The following PRRC2B variants were observed in gnomAD, a reference collection of about 807,000 sequenced individuals.
PRRC2B encodes protein PRRC2B.
PRRC2B carries 68 observed loss-of-function variants against 242.3 expected under a neutral mutation model. The ratio of observed to expected loss-of-function variants is 0.28; its 90% CI spans 0.23 to 0.34. PRRC2B has a LOEUF of 0.34. Among genes scored for constraint, PRRC2B ranks in the 10% least tolerant of loss-of-function variants. PRRC2B has a pLI of 1.00. For missense variants in PRRC2B, 2,835 were observed against 2,954.8 expected (o/e 0.96, Z 0.94); for synonymous variants, 1,228 against 1,173.6 (o/e 1.05, Z -0.95).
rs761424223 is a variant in PRRC2B, at chr9:131,487,821, C to T, written c.5985-35C>T. The T allele has an allele frequency of 4.4e-6, 7 of 1,585,498 alleles. No individual in the cohort carries two copies. The East Asian group carries it at 1.6e-4, about 36-fold the overall frequency. On this transcript the variant is annotated intron_variant, in intron 27 of 31. Transcript: ENST00000683519. This position sits in a 1 kb window ranked among gnomAD's most constrained non-coding sequence, Gnocchi z 5.3. Reference sequence around the variant, plus strand: ...GGACCAGATCCGCAGCTGGACTCATCCACCTGATCCCGACCATCTGTCTGG... The same window carrying T: ...GGACCAGATCCGCAGCTGGACTCATTCACCTGATCCCGACCATCTGTCTGG...
rs376117623 is a variant in PRRC2B, at chr9:131,474,974, G to T, written c.2845G>T (p.Ala949Ser). 40 of 1,598,078 alleles carry T rather than the reference G, an allele frequency of 2.5e-5. No individual in the cohort carries two copies. The highest frequency in any genetic ancestry group is 3.2e-5 in the Non-Finnish European group (37 of 1,172,614). ...SGPIKKPVLK[A>S]LKVEDKEKEL... The stretch of plus-strand genomic sequence containing the variant: ...ACCCATCAAGAAACCAGTCCTGAAA[G>T]CCCTCAAGGTGGAAGACAAGGAGAA... Residue 949 changes from alanine to serine, a missense_variant, in exon 16 of 32, where the codon GCC becomes TCC. Ala to Ser is a moderately conservative substitution (Grantham distance 99). This residue lies in a region of PRRC2B where 1,536 missense variants were observed against 1,483.1 expected (regional missense o/e 1.04). Transcript: ENST00000683519.
At chr9:131,492,973 G>A (rs573408106) in intron 30 of PRRC2B, among the ~76,000 whole-genome samples, 4 of 152,306 alleles carry the variant, frequency 2.6e-5, no homozygotes, top group African/African-American at 9.6e-5. Flanking sequence ...TTACAAATGA[G>A]TGAAACAGAC....
intron 5 of PRRC2B, among the ~76,000 whole-genome samples, chr9:131,443,196 C>T (rs1438507586): frequency 3.3e-5 from 5 of 151,532 alleles, no homozygotes; most frequent in East Asian, 1.9e-4. Flanking sequence ...TGCATTGGCA[C>T]GATCTCGGCT....
chr9:131,407,300 C>T (rs951610277), intron 1 of PRRC2B, among the ~76,000 whole-genome samples: 9 of 151,832 alleles, frequency 5.9e-5, no homozygotes, highest in South Asian at 2.1e-4. Flanking sequence ...GTTTTTTAGA[C>T]GCTTCGGGGA....
At chr9:131,443,775 G>T (rs1838693024) in intron 5 of PRRC2B, among the ~76,000 whole-genome samples, 1 of 152,188 alleles carries the variant, frequency 6.6e-6, no homozygotes, top group Admixed American at 6.5e-5. Context: ...GGCAGGGATG[G>T]CAGCACACTC....
chr9:131,413,532 C>A (rs138659078), intron 1 of PRRC2B, among the ~76,000 whole-genome samples: 1 of 152,218 alleles, frequency 6.6e-6, no homozygotes, highest in Non-Finnish European at 1.5e-5. Flanking sequence ...TGCACCAACA[C>A]ACCCAGCTAA....
intron 1 of PRRC2B, among the ~76,000 whole-genome samples, chr9:131,426,209 A>G (rs942858366): frequency 1.7e-4 from 26 of 151,588 alleles, no homozygotes; most frequent in African/African-American, 6.1e-4. Context: ...TTGGTGGCAC[A>G]CACCTGTAAG....
intron 6 of PRRC2B, 128 bp downstream of exon 6, chr9:131,444,456 C>A: frequency 9.6e-7 from 1 of 1,046,364 alleles, no homozygotes; most frequent in Non-Finnish European, 1.4e-6. Context: ...GGCTCTTTGA[C>A]TCGCCACGTG....
At chr9:131,447,228 C>T in intron 8 of PRRC2B, 22 bp downstream of exon 8, 3 of 1,613,708 alleles carry the variant, frequency 1.9e-6, no homozygotes, top group Non-Finnish European at 2.5e-6. Context: ...GCATTACAGT[C>T]ACGTGTGTAG....
chr9:131,379,448 C>T (rs1213451292), intron 1 of PRRC2B, among the ~76,000 whole-genome samples: 3 of 152,098 alleles, frequency 2.0e-5, no homozygotes, highest in Middle Eastern at 3.2e-3. Context: ...TCTTTGTCAA[C>T]ACTTGTTATT....
At chr9:131,480,791 C>T (rs1301127901) in intron 19 of PRRC2B, among the ~76,000 whole-genome samples, 3 of 151,860 alleles carry the variant, frequency 2.0e-5, no homozygotes, top group African/African-American at 7.3e-5. Context: ...TTTCTGGGCT[C>T]CGGATCCATG....
chr9:131,376,046 C>CAAA lies in PRRC2B; in HGVS notation c.-56+2333_-56+2335dup, dbSNP rs56400904. On this transcript the variant is annotated intron_variant, in intron 1 of 1. Coordinates refer to the PRRC2B transcript ENST00000682525. The stretch of plus-strand genomic sequence containing the variant: ...CCTGAGCAACAGAGTGAGACTGTCT[C>CAAA]AAAAAAAAAAAAAAAAAAAAGGCCG... Among the ~76,000 whole-genome samples, 722 of 72,948 alleles carry CAAA rather than the reference C, an allele frequency of 9.9e-3. 19 individuals are homozygous for CAAA. The highest frequency in any genetic ancestry group is 0.038 in the African/African-American group (667 of 17,556). 47.9% of individuals were successfully genotyped at this position (72,948 alleles called of 152,430 possible).
At chr9:131,378,176 G>C (rs1836709745) in intron 1 of PRRC2B, among the ~76,000 whole-genome samples, 1 of 152,062 alleles carries the variant, frequency 6.6e-6, no homozygotes, top group Non-Finnish European at 1.5e-5. Context: ...AGGCGTGGTG[G>C]TACCCACCTG....
At chr9:131,448,426 C>A in intron 9 of PRRC2B, among the ~76,000 whole-genome samples, 1 of 151,076 alleles carries the variant, frequency 6.6e-6, no homozygotes. Context: ...TGCCTGTAGT[C>A]CCAGCTACTC....
At position 131,471,447 on chromosome 9, in the gene PRRC2B, T is replaced by A. The variant is rs181711579; in HGVS notation, c.2107+464T>A. Among the ~76,000 whole-genome samples the A allele has an allele frequency of 1.6e-3, 238 of 152,358 alleles. 1 individual carries two copies. The highest frequency in any genetic ancestry group is 2.3e-3 in the Non-Finnish European group (155 of 68,028). On this transcript the variant is annotated intron_variant, in intron 14 of 31. Transcript: ENST00000683519. The stretch of plus-strand genomic sequence containing the variant: ...ATCATATACTTAGTTTATTAATTTT[T>A]GGCTTTTAAGATTCTCTTTGCAGTA...
In PRRC2B at chr9:131,470,908, C is replaced by G. The variant is rs758610036; in HGVS notation, c.2032C>G (p.Pro678Ala). ...LGFDPRWMMMPSYMDPRITPT... is the reference protein window; with the variant it reads ...LGFDPRWMMMASYMDPRITPT... ...CTTCGATCCCAGGTGGATGATGATG[C>G]CTTCCTACATGGACCCACGTATCAC... The change falls in exon 14 of 32, where the codon CCT becomes GCT. Residue 678 changes from proline (P) to alanine (A), a missense_variant. Pro to Ala is a conservative substitution (Grantham distance 27). This residue lies in a region of PRRC2B where 1,536 missense variants were observed against 1,483.1 expected (regional missense o/e 1.04). Coordinates refer to ENST00000683519, the MANE Select transcript of PRRC2B (RefSeq NM_013318.4). 1.9e-6 allele frequency: 3 copies of G among 1,611,120 alleles called. No homozygotes were observed. The highest frequency in any genetic ancestry group is 2.5e-6 in the Non-Finnish European group (3 of 1,178,426).
At chr9:131,458,535 C>G (rs1410363928) in intron 10 of PRRC2B, among the ~76,000 whole-genome samples, 4 of 150,014 alleles carry the variant, frequency 2.7e-5, no homozygotes, top group Non-Finnish European at 5.9e-5. Flanking sequence ...GAGTCTCTCT[C>G]TGTTTGTTGC....
In PRRC2B at chr9:131,430,527, ATATC is replaced by A. The variant is rs1283075065; in HGVS notation, c.115+276_115+279del. Among the ~76,000 whole-genome samples the A allele has an allele frequency of 2.5e-4, 30 of 122,036 alleles. No individual in the cohort carries two copies. In the South Asian group the frequency reaches 7.7e-3, roughly 31 times the overall value. 80.1% of individuals were successfully genotyped at this position (122,036 alleles called of 152,430 possible). On this transcript the variant is annotated intron_variant, in intron 2 of 31. Transcript: ENST00000683519. Reference sequence around the variant, plus strand: ...TAGATATCTATAGATAGATAGATAGATATCTATCTATAGATATCTATAGGTGTGT... The same window carrying A: ...TAGATATCTATAGATAGATAGATAGATATCTATAGATATCTATAGGTGTGT...
intron 1 of PRRC2B, among the ~76,000 whole-genome samples, chr9:131,421,395 G>A (rs2131311033): frequency 6.6e-6 from 1 of 152,312 alleles, no homozygotes; most frequent in East Asian, 1.9e-4. Context: ...ATTTCGTGGT[G>A]ATGGTTCTTG....
Sources: gnomAD v4.1 joint callset for allele counts (sites outside exome capture counted in the v4.1 genomes callset) on GRCh38, gnomAD v4.1.1 for gene constraint, gnomAD v4.1.1 regional missense constraint, Gnocchi (gnomAD v3.1) non-coding constraint, MANE v1.5 for transcripts, NCBI Gene and HGNC (gene_info 2026-07-23, HGNC 2026-07-21) for gene names.